The following MYH1 variants were observed in gnomAD, a reference collection of about 807,000 sequenced individuals.
MYH1 encodes myosin-1.
In MYH1, 214 loss-of-function variants were observed where a neutral mutation model predicts 225.6. The ratio of observed to expected loss-of-function variants is 0.95; its 90% CI spans 0.85 to 1.06. The LOEUF (loss-of-function observed/expected upper bound fraction) is 1.06. Among genes scored for constraint, MYH1 ranks in the 50% least tolerant of loss-of-function variants. The probability of loss-of-function intolerance (pLI) is 0.00; values close to 1 mark genes in which losing one functional copy is unlikely to be tolerated. For synonymous variants in MYH1, 774 were observed against 842.3 expected, an observed-to-expected ratio of 0.92 and a Z score of 1.40; for missense variants, 2,098 against 2,344.2, an observed-to-expected ratio of 0.89 and a Z score of 2.17.
At position 10,498,808 on chromosome 17, in the gene MYH1, C is replaced by G; in HGVS notation, c.3999G>C (p.Leu1333=). The change falls in exon 30 of 40, where the codon CTG becomes CTC. Residue 1333 remains leucine, a synonymous_variant. Coordinates refer to ENST00000226207, the MANE Select transcript of MYH1 (RefSeq NM_005963.4). ...LEEEIKAKSA[L]AHALQSSRHD... is the part of the protein sequence containing the mutation. ...GGCGGGAGGACTGCAGGGCATGTGC[C>G]AGGGCACTCTTGGCCTGAGAACATA... is the stretch of plus-strand genomic sequence containing the variant. 1.9e-6 allele frequency: 3 copies of G among 1,614,100 alleles called. No individual in the cohort carries two copies. Among genetic ancestry groups the G allele is most frequent in the Non-Finnish European group, 2.5e-6 (3 of 1,179,956 alleles).
intron 33 of MYH1, 133 bp from the exon 34 acceptor site, chr17:10,496,682 T>C: frequency 1.4e-6 from 2 of 1,403,468 alleles, no homozygotes; most frequent in Non-Finnish European, 1.9e-6. Flanking sequence ...TAAACAAGAG[T>C]GTCATTTTCA....
intron 34 of MYH1, 40 bp downstream of exon 34, chr17:10,496,201 C>T: frequency 1.2e-6 from 2 of 1,614,132 alleles, no homozygotes; most frequent in East Asian, 2.2e-5. Flanking sequence ...GGGTTGCAGG[C>T]ACCCCAATTG....
chr17:10,504,367 T>C (rs1424211643), intron 22 of MYH1, among the ~76,000 whole-genome samples: 3 of 152,250 alleles, frequency 2.0e-5, no homozygotes, highest in African/African-American at 7.2e-5. Context: ...ACTAAAAGTT[T>C]CTAAAAATAA....
In MYH1 at chr17:10,516,615, A is replaced by T. The variant is rs1378179323; in HGVS notation, c.28T>A (p.Phe10Ile). Residue 10 changes from phenylalanine (F) to isoleucine (I), a missense_variant, in exon 3 of 40, where the codon TTT becomes ATT. Coordinates refer to ENST00000226207, the MANE Select transcript of MYH1 (RefSeq NM_005963.4). MSSDSEMAI[F>I]GEAAPFLRKS... ...CGGAGGAAAGGAGCAGCCTCCCCAA[A>T]AATGGCCATCTCAGAGTCGGAACTC... The T allele has an allele frequency of 6.2e-7, 1 of 1,614,164 alleles. No homozygotes were observed. The highest frequency in any genetic ancestry group is 8.5e-7 in the Non-Finnish European group (1 of 1,180,026).
chr17:10,497,690 G>A (rs769739173), intron 31 of MYH1, 44 bp downstream of exon 31: 2 of 1,607,494 alleles, frequency 1.2e-6, no homozygotes, highest in African/African-American at 2.7e-5. Flanking sequence ...GCAGGCTATT[G>A]TTAATTCTGT....
At chr17:10,510,800 A>T (rs1282955759) in intron 14 of MYH1, among the ~76,000 whole-genome samples, 1 of 152,160 alleles carries the variant, frequency 6.6e-6, no homozygotes, top group Non-Finnish European at 1.5e-5. Context: ...GGAGGACAAA[A>T]TAGAATTTCC....
chr17:10,516,605 G>A lies in MYH1; in HGVS notation c.38C>T (p.Ala13Val), dbSNP rs1361044268. ...TTCAGACTTTCGGAGGAAAGGAGCA[G>A]CCTCCCCAAAAATGGCCATCTCAGA... ...SDSEMAIFGE[A>V]APFLRKSERE... The change falls in exon 3 of 40, where the codon GCT becomes GTT. Residue 13 changes from alanine (A) to valine (V), a missense_variant. Ala to Val is a moderately conservative substitution (Grantham distance 64). Coordinates refer to ENST00000226207, the MANE Select transcript of MYH1 (RefSeq NM_005963.4). 6.2e-7 allele frequency: 1 copy of A among 1,614,218 alleles called. No homozygotes were observed. The highest frequency in any genetic ancestry group is 1.1e-5 in the South Asian group (1 of 91,086).
At chr17:10,503,625 T>A (rs2073079361) in intron 22 of MYH1, among the ~76,000 whole-genome samples, 1 of 152,098 alleles carries the variant, frequency 6.6e-6, no homozygotes, top group African/African-American at 2.4e-5. Flanking sequence ...ATCAGAAAAG[T>A]GCCTTAACAG....
At position 10,499,007 on chromosome 17, in the gene MYH1, C is replaced by T. The variant is rs1186261632; in HGVS notation, c.3951G>A (p.Glu1317=). 2.5e-6 allele frequency: 4 copies of T among 1,613,804 alleles called. No homozygotes were observed. Among genetic ancestry groups the T allele is most frequent in the African/African-American group, 2.7e-5 (2 of 74,902 alleles). The stretch of plus-strand genomic sequence containing the variant: ...CCTCTTCAAGTTGCCTTTTCAGTTC[C>T]TCAATCTGTTGTGTAAAGGCTTGTT... ...RGKQAFTQQI[E]ELKRQLEEEI... Residue 1317 remains glutamate, a synonymous_variant, in exon 29 of 40, where the codon GAG becomes GAA. Coordinates refer to ENST00000226207, the MANE Select transcript of MYH1 (RefSeq NM_005963.4).
chr17:10,505,915 C>T lies in MYH1; in HGVS notation c.2071G>A (p.Glu691Lys), dbSNP rs751378637. 3.1e-6 allele frequency: 5 copies of T among 1,614,072 alleles called. No homozygotes were observed. The highest frequency in any genetic ancestry group is 2.7e-5 in the African/African-American group (2 of 74,944). ...ETKTPGAMEH[E>K]LVLHQLRCNG... ...CACCTCAGCTGATGCAGGACAAGCT[C>T]ATGCTCCATGGCACCTAAAAGAATG... Residue 691 changes from glutamate (E) to lysine (K), a missense_variant, in exon 19 of 40, where the codon GAG (glutamate) becomes AAG (lysine). Transcript: ENST00000226207.
At chr17:10,502,549 ACTTT>A (rs1220708112) in intron 24 of MYH1, among the ~76,000 whole-genome samples, 185 bp downstream of exon 24, 6 of 152,148 alleles carry the variant, frequency 3.9e-5, no homozygotes, top group Admixed American at 1.3e-4. Flanking sequence ...TTCACAGTTA[ACTTT>A]CTTTATTGAT....
rs752181124 is a variant in MYH1 at position 10,516,292 on chromosome 17, A to G, written c.255T>C (p.Tyr85=). 154 of 1,614,070 alleles carry G rather than the reference A, an allele frequency of 9.5e-5. No individual in the cohort carries two copies. The highest frequency in any genetic ancestry group is 1.2e-4 in the Non-Finnish European group (143 of 1,180,040). Residue 85 remains tyrosine, a synonymous_variant, in exon 4 of 40, where the codon TAT becomes TAC. Coordinates refer to ENST00000226207, the MANE Select transcript of MYH1 (RefSeq NM_005963.4). ...DQVFPMNPPK[Y]DKIEDMAMMT... is the part of the protein sequence containing the mutation. ...TCATGGCCATGTCCTCGATCTTGTC[A>G]TATTTGGGAGGGTTCATGGGGAAGA...
In MYH1 at chr17:10,501,838, T is replaced by C; in HGVS notation, c.3185A>G (p.Asp1062Gly). The change falls in exon 25 of 40, where the codon GAC becomes GGC. Residue 1062 changes from aspartate (D) to glycine (G), a missense_variant. Physicochemically the swap from Asp to Gly is moderately conservative, Grantham distance 94. Transcript: ENST00000226207. Reference sequence around the variant, plus strand: ...TGTGGATTCTTGAGCCAATTTTAGGTCTCCCTCTAGTTTTCTCTTTGCTCT... The same window carrying C: ...TGTGGATTCTTGAGCCAATTTTAGGCCTCCCTCTAGTTTTCTCTTTGCTCT... ...LERAKRKLEGDLKLAQESTMD... is the reference protein window; with the variant it reads ...LERAKRKLEGGLKLAQESTMD... 6.2e-7 allele frequency: 1 copy of C among 1,613,596 alleles called. No individual in the cohort carries two copies. The highest frequency in any genetic ancestry group is 8.5e-7 in the Non-Finnish European group (1 of 1,179,652).
chr17:10,509,635 C>A lies in MYH1; in HGVS notation c.1437G>T (p.Leu479=). The A allele has an allele frequency of 6.2e-7, 1 of 1,614,200 alleles. No homozygotes were observed. The highest frequency in any genetic ancestry group is 8.5e-7 in the Non-Finnish European group (1 of 1,180,038). Residue 479 remains leucine, a synonymous_variant, in exon 15 of 40, where the codon CTG becomes CTT. Coordinates refer to ENST00000226207, the MANE Select transcript of MYH1 (RefSeq NM_005963.4). ...GTTTCTCATTGGTGAAGTTGATGCA[C>A]AGCTGCTCCAGGCTGTTGAACTAAA... The part of the protein sequence containing the change: ...EIFDFNSLEQ[L]CINFTNEKLQ...
chr17:10,499,241 A>T (rs2073029098), intron 28 of MYH1, 149 bp from the exon 29 acceptor site: 1 of 689,250 alleles, frequency 1.5e-6, no homozygotes, highest in South Asian at 1.7e-5. Flanking sequence ...TAACCTTGAT[A>T]AGCAGATCCA....
intron 14 of MYH1, among the ~76,000 whole-genome samples, chr17:10,510,792 A>C (rs866254324): frequency 1.3e-5 from 2 of 151,322 alleles, no homozygotes; most frequent in Middle Eastern, 6.8e-3. Flanking sequence ...GCCTAGGGGG[A>C]GGACAAAATA....
chr17:10,500,790 T>C, intron 27 of MYH1, 38 bp from the exon 28 acceptor site: 5 of 1,613,390 alleles, frequency 3.1e-6, no homozygotes, highest in Non-Finnish European at 4.2e-6. Flanking sequence ...CTCAAGTAAG[T>C]AGTTGGACCA....
At chr17:10,502,451 C>T (rs936085337) in intron 24 of MYH1, among the ~76,000 whole-genome samples, 4 of 152,208 alleles carry the variant, frequency 2.6e-5, no homozygotes, top group South Asian at 2.1e-4. Context: ...TCAAGCCCAG[C>T]GAAAGACCTG....
chr17:10,498,504 A>T (rs2073018774), intron 30 of MYH1, 122 bp downstream of exon 30: 2 of 1,367,878 alleles, frequency 1.5e-6, no homozygotes, highest in Non-Finnish European at 2.0e-6. Flanking sequence ...TAAGGCATCT[A>T]CCAAAACATT....
Sources: allele counts gnomAD v4.1 joint callset (sites outside exome capture counted in the v4.1 genomes callset), GRCh38; gene constraint gnomAD v4.1.1; transcripts MANE v1.5; gene names NCBI Gene and HGNC (gene_info 2026-07-23, HGNC 2026-07-21).